Variants in KHDRBS2 observed in about 807,000 individuals in gnomAD.
KHDRBS2 encodes KH domain-containing, RNA-binding, signal transduction-associated protein 2.
A neutral mutation model predicts 44.3 loss-of-function variants in KHDRBS2; 26 were observed. That is an observed-to-expected ratio of 0.59 (90% CI 0.43 to 0.81). The LOEUF (loss-of-function observed/expected upper bound fraction) is 0.81, where lower values mean the gene tolerates loss of function less well. Ranked by LOEUF, KHDRBS2 falls within the 40% of genes least tolerant of loss-of-function variation. The pLI is 0.00. For synonymous variants in KHDRBS2, 194 were observed against 151.1 expected (o/e 1.28, Z -2.08); for missense variants, 476 against 433.1 (o/e 1.10, Z -0.88).
chr6:62,200,680 T>G (rs1386102973), intron 1 of KHDRBS2, among the ~76,000 whole-genome samples: 1 of 152,198 alleles, frequency 6.6e-6, no homozygotes, highest in African/African-American at 2.4e-5. Context: ...AGTGTGGTGA[T>G]TCTTCAGGGA....
intron 1 of KHDRBS2, among the ~76,000 whole-genome samples, chr6:62,212,074 C>A (rs1829151250): frequency 2.0e-5 from 3 of 152,154 alleles, no homozygotes; most frequent in Non-Finnish European, 2.9e-5. Context: ...GCAAATACCA[C>A]ATGTTCTTAT....
intron 6 of KHDRBS2, among the ~76,000 whole-genome samples, chr6:61,840,003 G>A (rs1793351059): frequency 6.6e-6 from 1 of 152,138 alleles, no homozygotes; most frequent in South Asian, 2.1e-4. Flanking sequence ...AGTGTTTTCA[G>A]TAAAATAATC....
At chr6:62,006,224 TGACACA>T (rs1779183910) in intron 3 of KHDRBS2, among the ~76,000 whole-genome samples, 1 of 151,966 alleles carries the variant, frequency 6.6e-6, no homozygotes, top group Non-Finnish European at 1.5e-5. Flanking sequence ...CTACAGAGAC[TGACACA>T]GACTTCTTAA....
chr6:61,799,995 A>C (rs1786007720), intron 6 of KHDRBS2, among the ~76,000 whole-genome samples: 1 of 152,140 alleles, frequency 6.6e-6, no homozygotes, highest in Non-Finnish European at 1.5e-5. Context: ...TGTTTGTATA[A>C]GTGTATATAC....
the KHDRBS2 span, among the ~76,000 whole-genome samples, chr6:61,604,725 G>A: frequency 6.6e-6 from 1 of 152,140 alleles, no homozygotes; most frequent in Non-Finnish European, 1.5e-5. Context: ...GCCCAGGGCT[G>A]GCAAATTGAC....
intron 1 of KHDRBS2, among the ~76,000 whole-genome samples, chr6:62,250,601 C>T (rs1290668532): frequency 2.0e-5 from 3 of 151,834 alleles, no homozygotes; most frequent in Non-Finnish European, 4.4e-5. Context: ...ATGTTGAAGG[C>T]TGGCTGGTAT....
intron 7 of KHDRBS2, among the ~76,000 whole-genome samples, chr6:61,705,553 A>T (rs566820380): frequency 6.6e-6 from 1 of 151,956 alleles, no homozygotes; most frequent in Admixed American, 6.6e-5. Context: ...CCAGCTTTGC[A>T]ATTCATCCAG....
chr6:61,921,593 A>T (rs1437747901), intron 4 of KHDRBS2, among the ~76,000 whole-genome samples: 2 of 151,980 alleles, frequency 1.3e-5, no homozygotes, highest in African/African-American at 4.8e-5. Context: ...TCTTTTTATG[A>T]CACATCTCCA....
chr6:62,128,651 G>A (rs1809533265), intron 2 of KHDRBS2, among the ~76,000 whole-genome samples: 1 of 136,530 alleles, frequency 7.3e-6, no homozygotes, highest in Non-Finnish European at 1.6e-5. Flanking sequence ...ATATCTGTTA[G>A]ATAAGTCAAC....
At chr6:61,728,443 A>C (rs1325426219) in intron 7 of KHDRBS2, among the ~76,000 whole-genome samples, 3 of 152,156 alleles carry the variant, frequency 2.0e-5, no homozygotes, top group African/African-American at 7.2e-5. Context: ...CTCTGAATTT[A>C]AAATAAAAGT....
chr6:62,105,976 T>A (rs1459926070), intron 2 of KHDRBS2, among the ~76,000 whole-genome samples: 2 of 152,232 alleles, frequency 1.3e-5, no homozygotes, highest in African/African-American at 2.4e-5. Flanking sequence ...TGGTATGTTG[T>A]GTCTTTGTTC....
chr6:62,266,037 T>C (rs1839149004), intron 1 of KHDRBS2, among the ~76,000 whole-genome samples: 1 of 152,032 alleles, frequency 6.6e-6, no homozygotes, highest in Admixed American at 6.6e-5. Flanking sequence ...CCAAGCCTAG[T>C]TCATGTTTAT....
chr6:62,072,563 T>G (rs1196875475), intron 2 of KHDRBS2, among the ~76,000 whole-genome samples: 1 of 152,188 alleles, frequency 6.6e-6, no homozygotes, highest in Non-Finnish European at 1.5e-5. Flanking sequence ...GTTGTTGAAT[T>G]TTGTCAATGG....
chr6:62,074,479 T>G (rs1795934024), intron 2 of KHDRBS2, among the ~76,000 whole-genome samples: 1 of 151,848 alleles, frequency 6.6e-6, no homozygotes, highest in South Asian at 2.1e-4. Context: ...CCGCCAACCC[T>G]CACCTCTCAT....
the KHDRBS2 span, among the ~76,000 whole-genome samples, chr6:61,601,013 C>T: frequency 6.6e-6 from 1 of 152,164 alleles, no homozygotes; most frequent in Non-Finnish European, 1.5e-5. Flanking sequence ...GGGACGTCTG[C>T]CTGATTATTC....
chr6:61,555,929 A>G, the KHDRBS2 span, among the ~76,000 whole-genome samples: 1 of 152,202 alleles, frequency 6.6e-6, no homozygotes, highest in African/African-American at 2.4e-5. Context: ...ACTCGCCACA[A>G]CACTCTAAAG....
Position 62,074,611 on chromosome 6 carries a change from G to C in KHDRBS2, c.220-26617C>G, listed in dbSNP as rs1357564693. 2.6e-5 allele frequency among the ~76,000 whole-genome samples: 4 copies of C among 151,898 alleles called. No individual in the cohort carries two copies. In the East Asian group the frequency reaches 7.8e-4, roughly 30 times the overall value. ...TATTTTCTATCTTCTTGAGATGAAT[G>C]TTTAACTAGATCAACGTTTCAAGAA... On this transcript the variant is annotated intron_variant, in intron 2 of 8. Coordinates refer to ENST00000281156, the MANE Select transcript of KHDRBS2 (RefSeq NM_152688.4).
chr6:61,657,682 C>G, the KHDRBS2 span, among the ~76,000 whole-genome samples: 1 of 151,904 alleles, frequency 6.6e-6, no homozygotes, highest in Admixed American at 6.6e-5. Flanking sequence ...CTTCAGTGCT[C>G]CCTGTGGAAG....
rs953395280 is a variant in KHDRBS2, at chr6:62,171,991, C to T, written c.219+5194G>A. Among the ~76,000 whole-genome samples the T allele has an allele frequency of 3.0e-4, 45 of 152,208 alleles. 1 individual carries two copies. Among genetic ancestry groups the T allele is most frequent in the African/African-American group, 1.1e-3 (45 of 41,556 alleles). ...ACAAAAACACACTTAAGTACATAGA[C>T]CATTTACACTATCAAGCAACTACAC... On this transcript the variant is annotated intron_variant, in intron 2 of 8. Coordinates refer to ENST00000281156, the MANE Select transcript of KHDRBS2 (RefSeq NM_152688.4).
Sources: allele counts gnomAD v4.1 joint callset (sites outside exome capture counted in the v4.1 genomes callset), GRCh38; gene constraint gnomAD v4.1.1; transcripts MANE v1.5; gene names NCBI Gene and HGNC (gene_info 2026-07-23, HGNC 2026-07-21).